CDH12: variants seen among roughly 807,000 people sequenced by gnomAD.
CDH12 encodes the protein cadherin 12, also known as cadherin-12.
Under a neutral mutation model 74.1 loss-of-function variants are expected in CDH12, and 41 were observed. The observed-to-expected ratio is 0.55, with a 90% CI of 0.43 to 0.72. CDH12 has a LOEUF of 0.72. CDH12 is among the 30% of genes least tolerant of loss of function. CDH12 has a pLI of 0.00. For missense variants in CDH12, 945 were observed against 977.2 expected (o/e 0.97, Z 0.44); for synonymous variants, 399 against 355.0 (o/e 1.12, Z -1.39).
chr5:21,970,546 T>C (rs1452070252), intron 6 of CDH12, among the ~76,000 whole-genome samples: 1 of 151,982 alleles, frequency 6.6e-6, no homozygotes, highest in Non-Finnish European at 1.5e-5. Context: ...ACGAAACAAG[T>C]AGTCTCTGGT....
chr5:22,148,299 A>G (rs1747341082), intron 4 of CDH12, among the ~76,000 whole-genome samples: 1 of 152,170 alleles, frequency 6.6e-6, no homozygotes, highest in African/African-American at 2.4e-5. Flanking sequence ...CACTCTAAGT[A>G]CTTTGTCTAC....
At chr5:22,666,585 C>T (rs1010802330) in intron 1 of CDH12, among the ~76,000 whole-genome samples, 1 of 152,002 alleles carries the variant, frequency 6.6e-6, no homozygotes, top group Non-Finnish European at 1.5e-5. Context: ...CCACCGCGCC[C>T]GGCCCTCTCT....
At chr5:22,362,074 A>T (rs1740827675) in intron 3 of CDH12, among the ~76,000 whole-genome samples, 1 of 152,140 alleles carries the variant, frequency 6.6e-6, no homozygotes, top group South Asian at 2.1e-4. Flanking sequence ...GCCAAAAGTG[A>T]CAAATGTGAT....
At chr5:21,878,057 G>A (rs1347016266) in intron 6 of CDH12, among the ~76,000 whole-genome samples, 1 of 152,206 alleles carries the variant, frequency 6.6e-6, no homozygotes, top group Non-Finnish European at 1.5e-5. Context: ...ATCCAGATAA[G>A]TAATGATAGA....
At chr5:22,272,041 C>A (rs776388091) in intron 3 of CDH12, among the ~76,000 whole-genome samples, 18 of 152,150 alleles carry the variant, frequency 1.2e-4, no homozygotes, top group Non-Finnish European at 2.4e-4. Context: ...CAAGCATTGA[C>A]TTCTATGTAG....
At chr5:22,701,514 T>G (rs1426986482) in intron 1 of CDH12, among the ~76,000 whole-genome samples, 1 of 152,202 alleles carries the variant, frequency 6.6e-6, no homozygotes, top group Non-Finnish European at 1.5e-5. Flanking sequence ...AAATCCTTCA[T>G]AAGCTGGTTT....
chr5:22,804,831 T>G (rs1748703230), intron 1 of CDH12, among the ~76,000 whole-genome samples: 1 of 152,222 alleles, frequency 6.6e-6, no homozygotes, highest in South Asian at 2.1e-4. Context: ...GATTAGGTAC[T>G]ACATAATTAT....
At chr5:21,923,496 C>G (rs1579967903) in intron 6 of CDH12, among the ~76,000 whole-genome samples, 1 of 152,242 alleles carries the variant, frequency 6.6e-6, no homozygotes, top group African/African-American at 2.4e-5. Flanking sequence ...GTATACCTTG[C>G]TTTGTTTCTC....
At chr5:22,285,686 T>C (rs554968290) in intron 3 of CDH12, among the ~76,000 whole-genome samples, 1 of 152,308 alleles carries the variant, frequency 6.6e-6, no homozygotes, top group Admixed American at 6.5e-5. Flanking sequence ...TTAGAAATTT[T>C]AGTCTTCATA....
At chr5:22,647,617 C>T (rs1231206628) in intron 1 of CDH12, among the ~76,000 whole-genome samples, 2 of 151,644 alleles carry the variant, frequency 1.3e-5, no homozygotes, top group Non-Finnish European at 3.0e-5. Context: ...ACTTTGATCT[C>T]ATAGAATTAG....
At chr5:22,522,106 A>T (rs393307) in intron 1 of CDH12, among the ~76,000 whole-genome samples, 24,096 of 152,112 alleles carry the variant, frequency 0.16, 1,959 homozygotes, top group Middle Eastern at 0.2. Flanking sequence ...ATAGTGAATT[A>T]TTGTTTTTCA....
At chr5:22,518,835 A>C (rs933672355) in intron 1 of CDH12, among the ~76,000 whole-genome samples, 1 of 152,176 alleles carries the variant, frequency 6.6e-6, no homozygotes, top group African/African-American at 2.4e-5. Context: ...GTATCACTAC[A>C]TTGATTGGAA....
intron 3 of CDH12, among the ~76,000 whole-genome samples, chr5:22,370,722 T>C (rs568555073): frequency 6.6e-6 from 1 of 152,242 alleles, no homozygotes; most frequent in South Asian, 2.1e-4. Context: ...GTAGGAAACC[T>C]TGGTATGCTT....
chr5:22,521,016 G>A (rs1482414655), intron 1 of CDH12, among the ~76,000 whole-genome samples: 2 of 150,654 alleles, frequency 1.3e-5, no homozygotes, highest in Non-Finnish European at 3.0e-5. Flanking sequence ...TTAGTAAAGC[G>A]TGTTGTTTAA....
intron 2 of CDH12, among the ~76,000 whole-genome samples, chr5:22,451,194 C>T (rs1210692668): frequency 1.3e-5 from 2 of 151,822 alleles, no homozygotes; most frequent in South Asian, 2.1e-4. Flanking sequence ...GTGTTTAGAA[C>T]AGCACTTGGT....
At chr5:22,627,227 C>T (rs538864009) in intron 1 of CDH12, among the ~76,000 whole-genome samples, 4 of 152,148 alleles carry the variant, frequency 2.6e-5, no homozygotes, top group South Asian at 4.1e-4. Context: ...GCAAATTCAG[C>T]AAATCCAGAG....
rs531768690 is a variant in CDH12 at position 22,775,067 on chromosome 5, G to C, written c.-523+77991C>G. Among the ~76,000 whole-genome samples, 24 of 150,738 alleles carry C rather than the reference G, an allele frequency of 1.6e-4. No homozygotes were observed. The East Asian group carries it at 4.7e-3, about 29-fold the overall frequency. ...TGTGAAATACATATTTCATATATTA[G>C]AATATATATATTATATAACACACAC... On this transcript the variant is annotated intron_variant, in intron 1 of 14. Transcript: ENST00000382254.
intron 3 of CDH12, among the ~76,000 whole-genome samples, chr5:22,350,553 T>TA (rs1740317154): frequency 1.3e-5 from 2 of 152,174 alleles, no homozygotes; most frequent in African/African-American, 4.8e-5. Context: ...AGTATCTCCA[T>TA]AGGGTTTGTT....
At chr5:22,840,743 C>T (rs1737046063) in intron 1 of CDH12, among the ~76,000 whole-genome samples, 1 of 151,798 alleles carries the variant, frequency 6.6e-6, no homozygotes, top group African/African-American at 2.4e-5. Flanking sequence ...AAACGTAGAC[C>T]AGGATAAGGA....
Sources: gnomAD v4.1 joint callset for allele counts (sites outside exome capture counted in the v4.1 genomes callset) on GRCh38, gnomAD v4.1.1 for gene constraint, MANE v1.5 for transcripts, NCBI Gene and HGNC (gene_info 2026-07-23, HGNC 2026-07-21) for gene names.